The following ZNF143 variants were observed in gnomAD, a reference collection of about 807,000 sequenced individuals.
ZNF143 encodes zinc finger protein 143, also known as SPH-binding factor.
In ZNF143, 49 loss-of-function variants were observed where a neutral mutation model predicts 74.1. The ratio of observed to expected loss-of-function variants is 0.66; its 90% CI spans 0.53 to 0.84. The LOEUF (loss-of-function observed/expected upper bound fraction) is 0.84. Among genes scored for constraint, ZNF143 ranks in the 40% least tolerant of loss-of-function variants. The probability of loss-of-function intolerance (pLI) is 0.00; values close to 1 mark genes in which losing one functional copy is unlikely to be tolerated. For missense variants in ZNF143, 637 were observed against 793.4 expected (o/e 0.80, Z 2.37); for synonymous variants, 304 against 282.8 (o/e 1.07, Z -0.75).
Position 9,472,833 on chromosome 11 carries a change from C to T in ZNF143, c.205+64C>T, listed in dbSNP as rs889908091. ...GATTTATAACCTGTGAGTTGGAGCACCTAGAAGCTATACCACCTTTCCTAT... is the reference window on the plus strand; with the variant it reads ...GATTTATAACCTGTGAGTTGGAGCATCTAGAAGCTATACCACCTTTCCTAT... On this transcript the variant is annotated intron_variant, in intron 3 of 15. Coordinates refer to ENST00000396602, the MANE Select transcript of ZNF143 (RefSeq NM_003442.6). 1.1e-5 allele frequency: 14 copies of T among 1,254,500 alleles called. No individual in the cohort carries two copies. In the African/African-American group the frequency reaches 2.2e-4, roughly 20 times the overall value. 77.7% of individuals were successfully genotyped at this position (1,254,500 alleles called of 1,614,324 possible).
At chr11:9,471,943 T>A (rs1856601744) in intron 2 of ZNF143, among the ~76,000 whole-genome samples, 1 of 150,090 alleles carries the variant, frequency 6.7e-6, no homozygotes, top group Non-Finnish European at 1.5e-5. Flanking sequence ...TTGTTTTTTT[T>A]TTTTGAGACA....
At chr11:9,520,149 G>T (rs1848866899) in intron 14 of ZNF143, among the ~76,000 whole-genome samples, 1 of 142,048 alleles carries the variant, frequency 7.0e-6, no homozygotes, top group Non-Finnish European at 1.5e-5. Flanking sequence ...TGATTCTCCT[G>T]CCTCGGCCTC....
At chr11:9,477,241 T>TCCTTCCCTC (rs1277994326) in intron 5 of ZNF143, among the ~76,000 whole-genome samples, 10 of 128,444 alleles carry the variant, frequency 7.8e-5, no homozygotes, top group Non-Finnish European at 1.2e-4. Context: ...TTCCTTCCCT[T>TCCTTCCCTC]CCTTCCCTTC....
chr11:9,485,177 G>A lies in ZNF143; in HGVS notation c.645+5631G>A, dbSNP rs540667546. Among the ~76,000 whole-genome samples the A allele has an allele frequency of 4.6e-5, 7 of 150,686 alleles. 1 individual carries two copies. Among genetic ancestry groups the A allele is most frequent in the East Asian group, 1.9e-4 (1 of 5,174 alleles). On this transcript the variant is annotated intron_variant, in intron 7 of 15. Transcript: ENST00000396602. ...CAAAGAAGAAAACCCAAAATGACCC[G>A]TAATCTTACTCTACGTATCTATTTT...
chr11:9,476,791 G>T, intron 5 of ZNF143, among the ~76,000 whole-genome samples: 1 of 89,484 alleles, frequency 1.1e-5, no homozygotes, highest in South Asian at 4.1e-4. Flanking sequence ...ACAGACTCTC[G>T]CTCTCTCTCC....
chr11:9,516,388 A>T, intron 14 of ZNF143, 26 bp downstream of exon 14: 1 of 1,577,058 alleles, frequency 6.3e-7, no homozygotes, highest in Non-Finnish European at 8.6e-7. Context: ...TGTTATGTCA[A>T]TCAATACATA....
chr11:9,482,288 T>C (rs1354049744), intron 7 of ZNF143, among the ~76,000 whole-genome samples: 4 of 142,324 alleles, frequency 2.8e-5, no homozygotes, highest in Non-Finnish European at 3.0e-5. Flanking sequence ...TTTTTTTTTT[T>C]AAGACGGTGT....
At chr11:9,461,508 G>A in intron 1 of ZNF143, 1 of 152,192 alleles carries the variant, frequency 6.6e-6, no homozygotes, top group African/African-American at 2.4e-5. Context: ...GGGCCCACGG[G>A]CCACACCAGG....
chr11:9,476,198 T>TAA (rs1358702594), intron 5 of ZNF143, among the ~76,000 whole-genome samples: 1 of 151,940 alleles, frequency 6.6e-6, no homozygotes, highest in Non-Finnish European at 1.5e-5. Flanking sequence ...TTTCTGTGCT[T>TAA]TAGTTTCATC....
intron 5 of ZNF143, among the ~76,000 whole-genome samples, chr11:9,476,900 C>T (rs1458285412): frequency 2.7e-5 from 4 of 150,716 alleles, no homozygotes; most frequent in Admixed American, 6.6e-5. Flanking sequence ...GCTGGGACTA[C>T]AGGCACCCAC....
chr11:9,461,108 G>T, intron 1 of ZNF143, 32 bp downstream of exon 1: 1 of 985,104 alleles, frequency 1.0e-6, no homozygotes, highest in South Asian at 4.7e-5. Context: ...TACCCAGTGT[G>T]CATTATTCTC....
intron 13 of ZNF143, among the ~76,000 whole-genome samples, chr11:9,513,382 C>G (rs1848618985): frequency 6.6e-6 from 1 of 152,252 alleles, no homozygotes; most frequent in Non-Finnish European, 1.5e-5. Flanking sequence ...TAATTTCACA[C>G]TATACTCTCT....
Position 9,486,360 on chromosome 11 carries a change from A to AT in ZNF143, c.645+6815dup, listed in dbSNP as rs1290037559. Reference sequence around the variant, plus strand: ...ATTATATTATATATATATTATATATATATTATATATAATATATTATATATA... The same window carrying AT: ...ATTATATTATATATATATTATATATATTATTATATATAATATATTATATATA... On this transcript the variant is annotated intron_variant, in intron 7 of 15. Coordinates refer to ENST00000396602, the MANE Select transcript of ZNF143 (RefSeq NM_003442.6). Among the ~76,000 whole-genome samples, 18 of 52,386 alleles carry AT rather than the reference A, an allele frequency of 3.4e-4. 1 individual carries two copies. Among genetic ancestry groups the AT allele is most frequent in the African/African-American group, 6.9e-4 (9 of 12,984 alleles). 34.4% of individuals were successfully genotyped at this position (52,386 alleles called of 152,430 possible). A position where few individuals can be genotyped will look rare whatever the true frequency, so the allele number is the denominator to read the frequency against.
chr11:9,518,682 A>C (rs1192024298), intron 14 of ZNF143, among the ~76,000 whole-genome samples: 1 of 151,574 alleles, frequency 6.6e-6, no homozygotes, highest in African/African-American at 2.4e-5. Context: ...GCACCACTGC[A>C]CTCCAGCCTA....
chr11:9,473,613 A>G (rs965669131), intron 3 of ZNF143, among the ~76,000 whole-genome samples: 4 of 151,986 alleles, frequency 2.6e-5, no homozygotes, highest in Admixed American at 2.6e-4. Flanking sequence ...CCCAGCTTCA[A>G]CTCCCCACTG....
chr11:9,471,832 A>G (rs1429217208), intron 2 of ZNF143, among the ~76,000 whole-genome samples: 3 of 151,854 alleles, frequency 2.0e-5, no homozygotes, highest in Non-Finnish European at 2.9e-5. Flanking sequence ...GATTACAGGC[A>G]TGAGCCATTG....
chr11:9,494,415 T>A (rs532449516), intron 7 of ZNF143, among the ~76,000 whole-genome samples: 89 of 152,232 alleles, frequency 5.8e-4, no homozygotes, highest in African/African-American at 2.0e-3. Flanking sequence ...CAGGTGATCC[T>A]CCCATCTCAG....
At chr11:9,511,897 G>A (rs564936656) in intron 12 of ZNF143, among the ~76,000 whole-genome samples, 3 of 151,266 alleles carry the variant, frequency 2.0e-5, no homozygotes, top group African/African-American at 4.9e-5. Flanking sequence ...GACTACAGGC[G>A]CCCGCCACCA....
At chr11:9,525,933 G>C (rs1165274236) in intron 15 of ZNF143, among the ~76,000 whole-genome samples, 1 of 152,124 alleles carries the variant, frequency 6.6e-6, no homozygotes, top group Non-Finnish European at 1.5e-5. Context: ...CTTGAGCTTA[G>C]GAATTAGAGA....
Sources: allele counts gnomAD v4.1 joint callset (sites outside exome capture counted in the v4.1 genomes callset), GRCh38; gene constraint gnomAD v4.1.1; transcripts MANE v1.5; gene names NCBI Gene and HGNC (gene_info 2026-07-23, HGNC 2026-07-21).